The following COL17A1 variants were observed in gnomAD, a reference collection of about 807,000 sequenced individuals.
The protein encoded by COL17A1 is collagen alpha-1(XVII) chain.
In COL17A1, 181 loss-of-function variants were observed where a neutral mutation model predicts 218.4. That is an observed-to-expected ratio of 0.83 (90% CI 0.73 to 0.94). COL17A1 has a LOEUF of 0.94. Among genes scored for constraint, COL17A1 ranks in the 40% least tolerant of loss-of-function variants. The probability of loss-of-function intolerance (pLI) is 0.00; values close to 1 mark genes in which losing one functional copy is unlikely to be tolerated. For missense variants in COL17A1, 1,924 were observed against 1,945.9 expected (o/e 0.99, Z 0.21); for synonymous variants, 721 against 731.0 (o/e 0.99, Z 0.22).
chr10:104,045,686 CT>C, intron 33 of COL17A1, 71 bp downstream of exon 33: 1 of 1,285,396 alleles, frequency 7.8e-7, no homozygotes, highest in South Asian at 1.2e-5. Context: ...GAGAGGCCTC[CT>C]CCTGTCCATC....
At chr10:104,062,723 C>T (rs1372639761) in intron 11 of COL17A1, among the ~76,000 whole-genome samples, 2 of 152,270 alleles carry the variant, frequency 1.3e-5, no homozygotes, top group East Asian at 3.9e-4. Context: ...ACAGACACCT[C>T]GGGTGCTGAG....
Position 104,071,945 on chromosome 10 carries a change from C to G in COL17A1, c.463+87G>C, listed in dbSNP as rs2086672770. On this transcript the variant is annotated intron_variant, in intron 8 of 55. Coordinates refer to ENST00000648076, the MANE Select transcript of COL17A1 (RefSeq NM_000494.4). Reference sequence around the variant, plus strand: ...ATACATGTGTGTGCATGCATGCACACACACACGCATGCACACACACACACA... The same window carrying G: ...ATACATGTGTGTGCATGCATGCACAGACACACGCATGCACACACACACACA... The G allele has an allele frequency of 7.6e-6, 12 of 1,573,644 alleles. No individual in the cohort carries two copies. In the South Asian group the frequency reaches 1.2e-4, roughly 16 times the overall value.
At chr10:104,034,406 C>T (rs904848971) in intron 51 of COL17A1, 72 bp from the exon 52 acceptor site, 2 of 1,505,618 alleles carry the variant, frequency 1.3e-6, no homozygotes, top group Non-Finnish European at 1.8e-6. Flanking sequence ...GTTAGGGAGT[C>T]TCTCCCAGGG....
intron 50 of COL17A1, 151 bp from the exon 51 acceptor site, chr10:104,034,918 A>G: frequency 1.1e-6 from 1 of 944,986 alleles, no homozygotes; most frequent in Non-Finnish European, 1.6e-6. Context: ...GCAGGAGGCC[A>G]GAGCCTGCTG....
rs138161839 is a variant in COL17A1, at chr10:104,055,851, G to T, written c.1618C>A (p.Leu540Met). Residue 540 changes from leucine to methionine, a missense_variant, in exon 18 of 56, where the codon CTG (leucine) becomes ATG (methionine). Transcript: ENST00000648076. ...AGCTCCTCCTGGCTGTCACTGTGCA[G>T]CCCAATTTTGTCCAGGTCTGCTCCC... ...AAGADLDKIGLHSDSQEELWM... is the reference protein window; with the variant it reads ...AAGADLDKIGMHSDSQEELWM... The T allele has an allele frequency of 2.3e-4, 369 of 1,614,194 alleles. No homozygotes were observed. The African/African-American group carries it at 4.5e-3, about 19-fold the overall frequency.
At chr10:104,063,545 T>C (rs929285652) in intron 11 of COL17A1, 1 of 755,738 alleles carries the variant, frequency 1.3e-6, no homozygotes, top group Non-Finnish European at 2.2e-6. Flanking sequence ...CACGTCAATG[T>C]GGGCTCACGT....
intron 38 of COL17A1, 50 bp downstream of exon 38, chr10:104,041,253 C>A (rs373874225): frequency 1.3e-6 from 2 of 1,599,438 alleles, no homozygotes. Context: ...CCATTGCTAC[C>A]CACCTCTCAC....
chr10:104,051,580 G>A (rs1204886253), intron 24 of COL17A1, 64 bp from the exon 25 acceptor site: 28 of 1,597,044 alleles, frequency 1.8e-5, no homozygotes, highest in Admixed American at 6.8e-5. Flanking sequence ...ATCTGGCCCC[G>A]GTGCAGGGCA....
chr10:104,042,040 G>C (rs1373810563), intron 36 of COL17A1, among the ~76,000 whole-genome samples: 2 of 152,234 alleles, frequency 1.3e-5, no homozygotes, highest in Admixed American at 1.3e-4. Flanking sequence ...CTGCACTCCA[G>C]ATGTCCAGGT....
chr10:104,064,380 A>T, intron 10 of COL17A1, 58 bp downstream of exon 10: 1 of 1,612,318 alleles, frequency 6.2e-7, no homozygotes, highest in East Asian at 2.2e-5. Flanking sequence ...ATCCAGCTCC[A>T]GGATAGAGGC....
intron 41 of COL17A1, 24 bp from the exon 42 acceptor site, chr10:104,039,664 A>G: frequency 6.2e-7 from 1 of 1,613,962 alleles, no homozygotes; most frequent in Non-Finnish European, 8.5e-7. Context: ...CAAGGGAGGG[A>G]CAGTCAGCCT....
chr10:104,034,680 G>A lies in COL17A1; in HGVS notation c.3707C>T (p.Ala1236Val), dbSNP rs1472297291. The A allele has an allele frequency of 6.2e-7, 1 of 1,610,542 alleles. No homozygotes were observed. Among genetic ancestry groups the A allele is most frequent in the Non-Finnish European group, 8.5e-7 (1 of 1,178,778 alleles). Residue 1236 changes from alanine (A) to valine (V), a missense_variant, in exon 51 of 56, where the codon GCA becomes GTA. Transcript: ENST00000648076. Reference sequence around the variant, plus strand: ...GTCGCTGTTTTCAGCTGCATAGGTTGCCAGGGCTCCTGAGACACCCGGGGG... The same window carrying A: ...GTCGCTGTTTTCAGCTGCATAGGTTACCAGGGCTCCTGAGACACCCGGGGG... ...RGPPGVSGAL[A>V]TYAAENSDSF...
At chr10:104,067,670 G>A (rs1017710338) in intron 9 of COL17A1, among the ~76,000 whole-genome samples, 13 of 152,144 alleles carry the variant, frequency 8.5e-5, no homozygotes, top group Admixed American at 3.9e-4. Context: ...AGCTGCAGGT[G>A]TGGGGGCGGC....
intron 13 of COL17A1, 136 bp downstream of exon 13, chr10:104,061,269 G>T: frequency 1.2e-6 from 1 of 838,432 alleles, no homozygotes; most frequent in Non-Finnish European, 1.9e-6. Context: ...TGCGTTTGCA[G>T]GCCTAAGACC....
Position 104,034,319 on chromosome 10 carries a change from C to G in COL17A1, c.3782G>C (p.Ser1261Thr). 1.3e-6 allele frequency: 2 copies of G among 1,562,154 alleles called. No homozygotes were observed. Among genetic ancestry groups the G allele is most frequent in the Non-Finnish European group, 1.7e-6 (2 of 1,159,810 alleles). Reference sequence around the variant, plus strand: ...AGGGCCTGGGGGGCCAACAATGAAGCTGCGCACATCAGGACCTGCAGGGTG... The same window carrying G: ...AGGGCCTGGGGGGCCAACAATGAAGGTGCGCACATCAGGACCTGCAGGGTG... ...ISYLTSPDVR[S>T]FIVGPPGPPG... Residue 1261 changes from serine to threonine, a missense_variant, in exon 52 of 56, where the codon AGC becomes ACC. Ser to Thr is a moderately conservative substitution (Grantham distance 58). Transcript: ENST00000648076.
rs1452350309 is a variant in COL17A1, at chr10:104,055,998, C to T, written c.1471G>A (p.Glu491Lys). ...LLFGLIALAE[E>K]VRKLKARVDE... ...ACACGCGCCTTCAGCTTCCTCACCT[C>T]CTCCGCTGCAACAAACAGACACACA... Residue 491 changes from glutamate (E) to lysine (K), a missense_variant, in exon 18 of 56, where the codon GAG (glutamate) becomes AAG (lysine). By Grantham distance (56) the Glu-to-Lys change is moderately conservative. Coordinates refer to ENST00000648076, the MANE Select transcript of COL17A1 (RefSeq NM_000494.4). The T allele has an allele frequency of 1.9e-6, 3 of 1,614,206 alleles. No individual in the cohort carries two copies. The highest frequency in any genetic ancestry group is 1.7e-6 in the Non-Finnish European group (2 of 1,180,030).
At chr10:104,057,590 G>T (rs929463394) in intron 16 of COL17A1, among the ~76,000 whole-genome samples, 2 of 151,014 alleles carry the variant, frequency 1.3e-5, no homozygotes. Flanking sequence ...AACCTAGAGC[G>T]TTCCCATCTC....
chr10:104,082,338 TG>T (rs1288376790), intron 1 of COL17A1, among the ~76,000 whole-genome samples: 1 of 152,236 alleles, frequency 6.6e-6, no homozygotes, highest in Non-Finnish European at 1.5e-5. Context: ...ACTTATGTCA[TG>T]CAAACCTACG....
intron 48 of COL17A1, among the ~76,000 whole-genome samples, chr10:104,036,103 GGAGT>G (rs1564671284): frequency 1.5e-3 from 1 of 658 alleles, no homozygotes; most frequent in Non-Finnish European, 3.7e-3. Context: ...TGTGTGTATG[GGAGT>G]GTGTGTGTAT....
Sources: allele counts gnomAD v4.1 joint callset (sites outside exome capture counted in the v4.1 genomes callset), GRCh38; gene constraint gnomAD v4.1.1; transcripts MANE v1.5; gene names NCBI Gene and HGNC (gene_info 2026-07-23, HGNC 2026-07-21).